RPN1: variants seen among roughly 807,000 people sequenced by gnomAD.
The protein encoded by RPN1 is ribophorin I, also known as dolichyl-diphosphooligosaccharide--protein glycosyltransferase subunit 1.
RPN1 carries 12 observed loss-of-function variants against 55.5 expected under a neutral mutation model. The observed-to-expected ratio is 0.22, with a 90% CI of 0.14 to 0.35. The LOEUF (loss-of-function observed/expected upper bound fraction) is 0.35. RPN1 is among the 10% of genes least tolerant of loss of function. The pLI, the probability that RPN1 is intolerant of heterozygous loss-of-function variation, is 1.00. For missense variants in RPN1, 679 were observed against 761.3 expected, an observed-to-expected ratio of 0.89 and a Z score of 1.27; for synonymous variants, 317 against 305.9, an observed-to-expected ratio of 1.04 and a Z score of -0.38.
chr3:128,625,611 G>A lies in RPN1; in HGVS notation c.1318C>T (p.Leu440=). 1 of 1,614,146 alleles carries A rather than the reference G, an allele frequency of 6.2e-7. No homozygotes were observed. The highest frequency in any genetic ancestry group is 2.2e-5 in the East Asian group (1 of 44,872). ...FNKVLMLQEP[L]LVVAAFYILF... ...ATGTAGAAGGCCGCCACCACCAGCA[G>A]GGGCTCCTGCAGCATGAGCACCTTG... Residue 440 remains leucine, a synonymous_variant, in exon 8 of 10, where the codon CTG becomes TTG. Transcript: ENST00000296255.
At chr3:128,639,323 G>A (rs529970956) in intron 2 of RPN1, among the ~76,000 whole-genome samples, 4 of 151,796 alleles carry the variant, frequency 2.6e-5, no homozygotes, top group Non-Finnish European at 4.4e-5. Flanking sequence ...GCGTTGTGGC[G>A]GGCACCTGTA....
At chr3:128,647,061 T>C (rs1159020146) in intron 1 of RPN1, among the ~76,000 whole-genome samples, 1 of 151,810 alleles carries the variant, frequency 6.6e-6, no homozygotes, top group East Asian at 1.9e-4. Context: ...AGCAACAAGA[T>C]ACATAACCAG....
chr3:128,620,274 C>G lies in RPN1; in HGVS notation c.*137G>C, dbSNP rs1456892891. ...AAACTCACACTGCCTGACGCAGGGC[C>G]TGGTTTCTCTTCCTTGAAGGCCTTT... is the stretch of plus-strand genomic sequence containing the variant. On this transcript the variant is annotated 3_prime_UTR_variant, in exon 10 of 10. Transcript: ENST00000296255. 1 of 583,116 alleles carries G rather than the reference C, an allele frequency of 1.7e-6. No individual in the cohort carries two copies. Among genetic ancestry groups the G allele is most frequent in the African/African-American group, 1.9e-5 (1 of 52,294 alleles). 36.1% of individuals were successfully genotyped at this position (583,116 alleles called of 1,614,324 possible).
intron 3 of RPN1, among the ~76,000 whole-genome samples, chr3:128,632,739 C>T (rs1445382784): frequency 3.9e-5 from 6 of 152,156 alleles, no homozygotes; most frequent in African/African-American, 1.4e-4. Flanking sequence ...GGATTACAGG[C>T]GTGTGCCACC....
chr3:128,648,119 C>T (rs1329180648), intron 1 of RPN1, among the ~76,000 whole-genome samples: 1 of 151,696 alleles, frequency 6.6e-6, no homozygotes, highest in Admixed American at 6.6e-5. Flanking sequence ...ATTGGCCGGG[C>T]GCAGTGGCTC....
intron 1 of RPN1, among the ~76,000 whole-genome samples, chr3:128,649,306 T>C (rs756677631): frequency 1.3e-5 from 2 of 152,234 alleles, no homozygotes; most frequent in Non-Finnish European, 2.9e-5. Context: ...GCCGAGCTCC[T>C]GCTGTGGTCC....
chr3:128,646,388 A>T (rs1041237120), intron 1 of RPN1, among the ~76,000 whole-genome samples: 1 of 152,054 alleles, frequency 6.6e-6, no homozygotes, highest in African/African-American at 2.4e-5. Flanking sequence ...TCACTAATAT[A>T]AAAGTTAAAA....
At chr3:128,642,050 T>C (rs1035139987) in intron 2 of RPN1, among the ~76,000 whole-genome samples, 1 of 152,162 alleles carries the variant, frequency 6.6e-6, no homozygotes. Flanking sequence ...ACAGTCCTAA[T>C]AACTAAGTTA....
At chr3:128,633,213 T>A (rs1186583950) in intron 3 of RPN1, among the ~76,000 whole-genome samples, 2 of 151,328 alleles carry the variant, frequency 1.3e-5, no homozygotes, top group African/African-American at 4.9e-5. Flanking sequence ...CAGCAAGAGG[T>A]TTTTCTTTTT....
intron 5 of RPN1, among the ~76,000 whole-genome samples, chr3:128,627,542 A>G (rs1244281044): frequency 6.6e-6 from 1 of 152,112 alleles, no homozygotes; most frequent in Non-Finnish European, 1.5e-5. Context: ...AGGCAGAGGC[A>G]GGCAGATCAC....
At chr3:128,626,991 T>G in intron 5 of RPN1, 159 bp from the exon 6 acceptor site, 22 of 625,600 alleles carry the variant, frequency 3.5e-5, no homozygotes, top group East Asian at 5.6e-5. Flanking sequence ...AAAGTATCTC[T>G]ACTGAACCCC....
intron 2 of RPN1, among the ~76,000 whole-genome samples, chr3:128,643,628 T>C (rs1194350568): frequency 6.6e-6 from 1 of 152,082 alleles, no homozygotes. Flanking sequence ...AAACCCCATC[T>C]CTATTAAAAA....
At position 128,640,058 on chromosome 3, in the gene RPN1, G is replaced by A. The variant is rs530539594; in HGVS notation, c.327-1953C>T. ...GTGGTGGCAGGCGCCTGTAGTCCCAGATACTCGGGAGGCTGAGACAGGAGA... is the reference window on the plus strand; with the variant it reads ...GTGGTGGCAGGCGCCTGTAGTCCCAAATACTCGGGAGGCTGAGACAGGAGA... On this transcript the variant is annotated intron_variant, in intron 2 of 9. Coordinates refer to ENST00000296255, the MANE Select transcript of RPN1 (RefSeq NM_002950.4). Among the ~76,000 whole-genome samples the A allele has an allele frequency of 1.3e-4, 20 of 152,232 alleles. No individual in the cohort carries two copies. The East Asian group carries it at 3.3e-3, about 25-fold the overall frequency.
chr3:128,625,926 A>T lies in RPN1; in HGVS notation c.1223T>A (p.Val408Glu), dbSNP rs1445465553. The change falls in exon 7 of 10, where the codon GTG becomes GAG. Residue 408 changes from valine to glutamate, a missense_variant. Val to Glu is a moderately radical substitution (Grantham distance 121, BLOSUM62 -2). Around this residue, in one of 3 missense-constraint regions of RPN1, gnomAD observed 306 missense variants for 360.0 expected, o/e 0.85. Coordinates refer to ENST00000296255, the MANE Select transcript of RPN1 (RefSeq NM_002950.4). ...YTYLDTFGRP[V>E]IVAYKKNLVE... ...CAGATTTTTCTTGTAGGCAACAATC[A>T]CAGGGCGGCCAAATGTGTCCAGATA... 6.2e-7 allele frequency: 1 copy of T among 1,613,988 alleles called. No individual in the cohort carries two copies.
intron 8 of RPN1, 141 bp from the exon 9 acceptor site, chr3:128,622,550 T>G: frequency 9.6e-7 from 1 of 1,037,736 alleles, no homozygotes; most frequent in Non-Finnish European, 1.4e-6. Context: ...AAACCCCTAC[T>G]GATACCTAAT....
chr3:128,624,233 C>T (rs2069582030), intron 8 of RPN1, among the ~76,000 whole-genome samples: 1 of 152,152 alleles, frequency 6.6e-6, no homozygotes, highest in Admixed American at 6.5e-5. Flanking sequence ...GCCTGTAATC[C>T]CAGCACTTTG....
chr3:128,630,222 T>C, intron 4 of RPN1, 79 bp from the exon 5 acceptor site: 1 of 906,290 alleles, frequency 1.1e-6, no homozygotes. Context: ...GAAGACTTCC[T>C]GCACCAAGAT....
At position 128,626,720 on chromosome 3, in the gene RPN1, C is replaced by A; in HGVS notation, c.1136+13G>T. 6.2e-7 allele frequency: 1 copy of A among 1,611,758 alleles called. No homozygotes were observed. Among genetic ancestry groups the A allele is most frequent in the Non-Finnish European group, 8.5e-7 (1 of 1,177,972 alleles). The stretch of plus-strand genomic sequence containing the variant: ...AGAAATCGGGTGCAAAGGAGAGGAA[C>A]AGTCACACTCACTTGGCTCCTTCAG... On this transcript the variant is annotated intron_variant, in intron 6 of 9. Coordinates refer to ENST00000296255, the MANE Select transcript of RPN1 (RefSeq NM_002950.4).
intron 9 of RPN1, among the ~76,000 whole-genome samples, chr3:128,620,875 G>A (rs1401092693): frequency 6.6e-6 from 1 of 152,232 alleles, no homozygotes; most frequent in Non-Finnish European, 1.5e-5. Context: ...TGAGGACTGA[G>A]TATGAAACTA....
Sources: allele counts gnomAD v4.1 joint callset (sites outside exome capture counted in the v4.1 genomes callset), GRCh38; gene constraint gnomAD v4.1.1; regional missense constraint gnomAD v4.1.1; transcripts MANE v1.5; gene names NCBI Gene and HGNC (gene_info 2026-07-23, HGNC 2026-07-21).